Variants in BAZ2B observed in about 807,000 individuals in gnomAD.
BAZ2B encodes the protein bromodomain adjacent to zinc finger domain 2B.
A neutral mutation model predicts 246.0 loss-of-function variants in BAZ2B; 91 were observed. The ratio of observed to expected loss-of-function variants is 0.37; its 90% CI spans 0.31 to 0.44. The LOEUF (loss-of-function observed/expected upper bound fraction) is 0.44. Ranked by LOEUF, BAZ2B falls within the 20% of genes least tolerant of loss-of-function variation. The pLI, the probability that BAZ2B is intolerant of heterozygous loss-of-function variation, is 1.00. For missense variants in BAZ2B, 2,332 were observed against 2,533.7 expected (o/e 0.92, Z 1.71); for synonymous variants, 855 against 860.0 (o/e 0.99, Z 0.10).
At chr2:159,520,116 A>C (rs922929563) in intron 2 of BAZ2B, among the ~76,000 whole-genome samples, 15 of 152,160 alleles carry the variant, frequency 9.9e-5, no homozygotes, top group African/African-American at 3.6e-4. Flanking sequence ...AAGAAAAAAC[A>C]AGATCTACCA....
At chr2:159,690,112 A>T in the BAZ2B span, 1 of 541,038 alleles carries the variant, frequency 1.8e-6, no homozygotes. Flanking sequence ...AATCAGCAAG[A>T]CTCACTTCAA....
At chr2:159,498,255 TA>T (rs1178571972) in intron 2 of BAZ2B, among the ~76,000 whole-genome samples, 1 of 152,194 alleles carries the variant, frequency 6.6e-6, no homozygotes, top group Non-Finnish European at 1.5e-5. Flanking sequence ...TCTTTAAACT[TA>T]TGATATAAGG....
At chr2:159,675,036 C>A in the BAZ2B span, among the ~76,000 whole-genome samples, 3 of 152,052 alleles carry the variant, frequency 2.0e-5, no homozygotes, top group African/African-American at 7.2e-5. Flanking sequence ...GAGTACCTCA[C>A]TGGAAGAGAA....
At chr2:159,394,231 T>A (rs2063705518) in intron 20 of BAZ2B, among the ~76,000 whole-genome samples, 1 of 152,102 alleles carries the variant, frequency 6.6e-6, no homozygotes, top group African/African-American at 2.4e-5. Flanking sequence ...GCTCCCTCCA[T>A]TTCCATCTCT....
the BAZ2B span, among the ~76,000 whole-genome samples, chr2:159,674,496 C>T: frequency 6.6e-6 from 1 of 152,018 alleles, no homozygotes; most frequent in African/African-American, 2.4e-5. Flanking sequence ...GGGCCGATCA[C>T]TTCATGTTAT....
chr2:159,654,301 A>G, the BAZ2B span, among the ~76,000 whole-genome samples: 1 of 152,212 alleles, frequency 6.6e-6, no homozygotes, highest in African/African-American at 2.4e-5. Flanking sequence ...CCCAGCATGT[A>G]ACACATAAAG....
At chr2:159,654,782 T>C in the BAZ2B span, among the ~76,000 whole-genome samples, 2 of 152,002 alleles carry the variant, frequency 1.3e-5, no homozygotes, top group African/African-American at 4.8e-5. Flanking sequence ...CTGGGCAACA[T>C]GGTGAAACCC....
At chr2:159,498,789 CATA>C (rs978549579) in intron 2 of BAZ2B, among the ~76,000 whole-genome samples, 22 of 152,276 alleles carry the variant, frequency 1.4e-4, no homozygotes, top group African/African-American at 5.1e-4. Flanking sequence ...CCATTTCCCT[CATA>C]ATTTTTATTA....
the BAZ2B span, among the ~76,000 whole-genome samples, chr2:159,684,291 T>C: frequency 6.6e-6 from 1 of 152,260 alleles, no homozygotes; most frequent in Non-Finnish European, 1.5e-5. Context: ...TGCAGCTTTT[T>C]GTATGAACAT....
At chr2:159,499,887 T>G (rs536876571) in intron 2 of BAZ2B, among the ~76,000 whole-genome samples, 3 of 152,326 alleles carry the variant, frequency 2.0e-5, no homozygotes, top group Admixed American at 2.0e-4. Flanking sequence ...CTTATAAATT[T>G]GTTTAAGTTC....
At chr2:159,360,641 A>G (rs1217940777) in intron 27 of BAZ2B, among the ~76,000 whole-genome samples, 1 of 152,226 alleles carries the variant, frequency 6.6e-6, no homozygotes, top group Non-Finnish European at 1.5e-5. Flanking sequence ...CCATATAGCC[A>G]AGACAACCCT....
chr2:159,395,936 G>T, intron 19 of BAZ2B, 102 bp from the exon 20 acceptor site: 1 of 951,288 alleles, frequency 1.1e-6, no homozygotes, highest in Non-Finnish European at 1.6e-6. Flanking sequence ...ACTCAGTATA[G>T]CATGTTTAGC....
intron 2 of BAZ2B, among the ~76,000 whole-genome samples, chr2:159,495,346 G>A (rs903082914): frequency 6.7e-6 from 1 of 149,404 alleles, no homozygotes; most frequent in Non-Finnish European, 1.5e-5. Flanking sequence ...TTAGCCGGGC[G>A]TAGTGGCGGG....
At chr2:159,425,037 T>C (rs892693016) in intron 13 of BAZ2B, among the ~76,000 whole-genome samples, 2 of 152,174 alleles carry the variant, frequency 1.3e-5, no homozygotes, top group Non-Finnish European at 2.9e-5. Context: ...AACATCACAA[T>C]AGATACATGA....
intron 1 of BAZ2B, among the ~76,000 whole-genome samples, chr2:159,570,296 T>C (rs1165526393): frequency 6.6e-6 from 1 of 152,028 alleles, no homozygotes; most frequent in African/African-American, 2.4e-5. Context: ...GAGATTCTCT[T>C]GCCTCAGCCT....
intron 3 of BAZ2B, among the ~76,000 whole-genome samples, chr2:159,476,848 A>G (rs2078625998): frequency 6.6e-6 from 1 of 152,226 alleles, no homozygotes; most frequent in African/African-American, 2.4e-5. Context: ...ATCTAAGGTA[A>G]AAAGTCAATC....
downstream of BAZ2B, among the ~76,000 whole-genome samples, chr2:159,317,165 A>G (rs1280502805): frequency 3.3e-5 from 5 of 152,238 alleles, no homozygotes. Flanking sequence ...TAAAAGTACA[A>G]TTAGGAATAA....
At chr2:159,510,620 T>C (rs540416713) in intron 2 of BAZ2B, among the ~76,000 whole-genome samples, 3 of 152,220 alleles carry the variant, frequency 2.0e-5, no homozygotes, top group Non-Finnish European at 4.4e-5. Flanking sequence ...AAATTTTATG[T>C]TATAGATATT....
At chr2:159,479,280 CTTAG>C in intron 2 of BAZ2B, among the ~76,000 whole-genome samples, 1 of 152,174 alleles carries the variant, frequency 6.6e-6, no homozygotes, top group Middle Eastern at 3.4e-3. Flanking sequence ...TCAAAATGGC[CTTAG>C]TTGTGACCCA....
Sources: gnomAD v4.1 joint callset for allele counts (sites outside exome capture counted in the v4.1 genomes callset) on GRCh38, gnomAD v4.1.1 for gene constraint, MANE v1.5 for transcripts, NCBI Gene and HGNC (gene_info 2026-07-23, HGNC 2026-07-21) for gene names.